IRGC: variants seen among roughly 807,000 people sequenced by gnomAD.
IRGC encodes interferon-inducible GTPase 5.
In IRGC, 4 loss-of-function variants were observed where a neutral mutation model predicts 16.1. That is an observed-to-expected ratio of 0.25 (90% confidence interval 0.12 to 0.57). The LOEUF (loss-of-function observed/expected upper bound fraction) is 0.57, where lower values mean the gene tolerates loss of function less well. Among genes scored for constraint, IRGC ranks in the 20% least tolerant of loss-of-function variants. IRGC has a pLI of 0.92. For missense variants in IRGC, 570 were observed against 643.9 expected (o/e 0.89, Z 1.24); for synonymous variants, 307 against 299.5 (o/e 1.03, Z -0.26).
chr19:43,716,668 G>T (rs368461017), intron 1 of IRGC, among the ~76,000 whole-genome samples: 20 of 152,148 alleles, frequency 1.3e-4, no homozygotes, highest in African/African-American at 4.3e-4. Context: ...ATATTTCTGT[G>T]GGGGGTGGAG....
At position 43,719,075 on chromosome 19, in the gene IRGC, G is replaced by A; in HGVS notation, c.517G>A (p.Asp173Asn). Reference protein sequence around the residue: ...FYFVRTKVDEDLAATRTQRPS... With the variant: ...FYFVRTKVDENLAATRTQRPS... ...CTTTGTGCGCACCAAGGTGGACGAG[G>A]ACCTGGCGGCCACGCGCACCCAGCG... is the stretch of plus-strand genomic sequence containing the variant. Residue 173 changes from aspartate to asparagine, a missense_variant, in exon 2 of 2, where the codon GAC (aspartate) becomes AAC (asparagine). Coordinates refer to ENST00000244314, the MANE Select transcript of IRGC (RefSeq NM_019612.4). 1 of 1,611,310 alleles carries A rather than the reference G, an allele frequency of 6.2e-7. No homozygotes were observed. Among genetic ancestry groups the A allele is most frequent in the Non-Finnish European group, 8.5e-7 (1 of 1,178,862 alleles).
At position 43,719,009 on chromosome 19, in the gene IRGC, C is replaced by G. The variant is rs549796988; in HGVS notation, c.451C>G (p.Arg151Gly). Residue 151 changes from arginine (R) to glycine (G), a missense_variant, in exon 2 of 2, where the codon CGC (arginine) becomes GGC (glycine). Physicochemically the swap from Arg to Gly is moderately radical, Grantham distance 125. Coordinates refer to ENST00000244314, the MANE Select transcript of IRGC (RefSeq NM_019612.4). ...SPRRCGAVET[R>G]LAAEILCQGK... ...CCGCCGCTGCGGGGCCGTCGAGACC[C>G]GCCTGGCCGCTGAGATCCTGTGCCA... 2.0e-5 allele frequency: 33 copies of G among 1,612,414 alleles called. No homozygotes were observed. The East Asian group carries it at 6.7e-4, about 33-fold the overall frequency.
At chr19:43,717,564 A>G (rs1703571373) in intron 1 of IRGC, among the ~76,000 whole-genome samples, 1 of 152,146 alleles carries the variant, frequency 6.6e-6, no homozygotes, top group African/African-American at 2.4e-5. Context: ...TATGTGGTGG[A>G]GCCAGGATTT....
chr19:43,717,721 T>A (rs1968192109), intron 1 of IRGC, among the ~76,000 whole-genome samples: 1 of 152,224 alleles, frequency 6.6e-6, no homozygotes, highest in African/African-American at 2.4e-5. Flanking sequence ...CCTGGCTATA[T>A]AATTTGCAAG....
Position 43,718,522 on chromosome 19 carries a change from C to CGA in IRGC, c.-37_-36insGA. The stretch of plus-strand genomic sequence containing the variant: ...TGAGGATCACGCATCCTGTGACTCT[C>CGA]CCCTGTCCCCCGCCACCCTCTGAAC... On this transcript the variant is annotated 5_prime_UTR_variant, in exon 2 of 2. Coordinates refer to ENST00000244314, the MANE Select transcript of IRGC (RefSeq NM_019612.4). 2.6e-6 allele frequency: 4 copies of CGA among 1,533,288 alleles called. No homozygotes were observed. Among genetic ancestry groups the CGA allele is most frequent in the Non-Finnish European group, 3.5e-6 (4 of 1,140,530 alleles). The allele number at this position is 1,533,288 out of a possible 1,614,324, so 95.0% of individuals were successfully genotyped here. A position where few individuals can be genotyped will look rare whatever the true frequency, so the allele number is the denominator to read the frequency against.
chr19:43,720,019 A>C lies in IRGC; in HGVS notation c.*69A>C, dbSNP rs923821986. 2.6e-6 allele frequency: 4 copies of C among 1,544,810 alleles called. No individual in the cohort carries two copies. Among genetic ancestry groups the C allele is most frequent in the Non-Finnish European group, 3.5e-6 (4 of 1,129,922 alleles). ...TAACAAAATCCAAATTACCAACAAA[A>C]AAGGCCGATGTGGTGAATGTGAGGG... is the stretch of plus-strand genomic sequence containing the variant. On this transcript the variant is annotated 3_prime_UTR_variant, in exon 2 of 2. Transcript: ENST00000244314.
intron 1 of IRGC, 78 bp from the exon 2 acceptor site, chr19:43,718,414 CT>C: frequency 7.0e-7 from 1 of 1,429,364 alleles, no homozygotes; most frequent in Non-Finnish European, 9.1e-7. Context: ...GGGCGACTCC[CT>C]TCACATCCGT....
At chr19:43,716,899 A>G (rs544118091) in intron 1 of IRGC, among the ~76,000 whole-genome samples, 5 of 152,224 alleles carry the variant, frequency 3.3e-5, no homozygotes, top group Non-Finnish European at 2.9e-5. Flanking sequence ...TCAAATGGGG[A>G]CAGTGATCCC....
rs368626038 is a variant in IRGC, at chr19:43,719,425, C to T, written c.867C>T (p.Tyr289=). 4.1e-5 allele frequency: 66 copies of T among 1,604,972 alleles called. No homozygotes were observed. The highest frequency in any genetic ancestry group is 5.4e-5 in the Non-Finnish European group (63 of 1,174,946). ...ALPVPGLAAA[Y]DDALLIHSLR... ...CGGTCCCAGGGCTGGCGGCCGCCTACGATGATGCGTTGCTCATCCACTCAC... is the reference window on the plus strand; with the variant it reads ...CGGTCCCAGGGCTGGCGGCCGCCTATGATGATGCGTTGCTCATCCACTCAC... The change falls in exon 2 of 2, where the codon TAC becomes TAT. Residue 289 remains tyrosine (Y), a synonymous_variant. Coordinates refer to ENST00000244314, the MANE Select transcript of IRGC (RefSeq NM_019612.4).
At chr19:43,717,351 A>C (rs1319999547) in intron 1 of IRGC, among the ~76,000 whole-genome samples, 1 of 152,190 alleles carries the variant, frequency 6.6e-6, no homozygotes, top group Non-Finnish European at 1.5e-5. Context: ...AATGATAAGA[A>C]TAATGACGAT....
chr19:43,716,211 G>C (rs992750191), intron 1 of IRGC, 69 bp downstream of exon 1: 1 of 152,466 alleles, frequency 6.6e-6, no homozygotes, highest in East Asian at 1.9e-4. Context: ...GGTCTAATCC[G>C]GACCCCCTCA....
chr19:43,717,886 A>G (rs1486707974), intron 1 of IRGC, among the ~76,000 whole-genome samples: 1 of 152,166 alleles, frequency 6.6e-6, no homozygotes, highest in Non-Finnish European at 1.5e-5. Flanking sequence ...GGGACAACAT[A>G]GTGAGACTCC....
rs750978165 is a variant in IRGC at position 43,719,072 on chromosome 19, G to A, written c.514G>A (p.Glu172Lys). Residue 172 changes from glutamate to lysine, a missense_variant, in exon 2 of 2, where the codon GAG (glutamate) becomes AAG (lysine). Transcript: ENST00000244314. ...KFYFVRTKVD[E>K]DLAATRTQRP... ...CTACTTTGTGCGCACCAAGGTGGACGAGGACCTGGCGGCCACGCGCACCCA... is the reference window on the plus strand; with the variant it reads ...CTACTTTGTGCGCACCAAGGTGGACAAGGACCTGGCGGCCACGCGCACCCA... 6.2e-6 allele frequency: 10 copies of A among 1,611,592 alleles called. No individual in the cohort carries two copies. Among genetic ancestry groups the A allele is most frequent in the South Asian group, 4.4e-5 (4 of 90,998 alleles).
chr19:43,718,062 G>GTCTC (rs1172829551), intron 1 of IRGC, among the ~76,000 whole-genome samples: 1 of 151,804 alleles, frequency 6.6e-6, no homozygotes, highest in African/African-American at 2.4e-5. Context: ...GAGAGACCCT[G>GTCTC]TCTCAAACAA....
chr19:43,720,012 C>A lies in IRGC; in HGVS notation c.*62C>A. The A allele has an allele frequency of 6.3e-7, 1 of 1,576,710 alleles. No homozygotes were observed. Among genetic ancestry groups the A allele is most frequent in the Non-Finnish European group, 8.6e-7 (1 of 1,157,376 alleles). On this transcript the variant is annotated 3_prime_UTR_variant, in exon 2 of 2. Transcript: ENST00000244314. ...TAAGTCTTAACAAAATCCAAATTACCAACAAAAAAGGCCGATGTGGTGAAT... is the reference window on the plus strand; with the variant it reads ...TAAGTCTTAACAAAATCCAAATTACAAACAAAAAAGGCCGATGTGGTGAAT...
At position 43,718,879 on chromosome 19, in the gene IRGC, G is replaced by T. The variant is rs781658368; in HGVS notation, c.321G>T (p.Val107=). ...ATCCACACCCACAGTTCCCTGACGT[G>T]ACCCTCTGGGACCTGCCAGGAGCCG... ...SPYPHPQFPD[V]TLWDLPGAGS... The change falls in exon 2 of 2, where the codon GTG becomes GTT. Residue 107 remains valine, a synonymous_variant. Coordinates refer to ENST00000244314, the MANE Select transcript of IRGC (RefSeq NM_019612.4). 7 of 1,613,196 alleles carry T rather than the reference G, an allele frequency of 4.3e-6. No individual in the cohort carries two copies. In the African/African-American group the frequency reaches 8.0e-5, roughly 18 times the overall value.
At position 43,719,119 on chromosome 19, in the gene IRGC, G is replaced by A. The variant is rs145052313; in HGVS notation, c.561G>A (p.Glu187=). 1,270 of 1,610,346 alleles carry A rather than the reference G, an allele frequency of 7.9e-4. 8 individuals carry two copies. In the Admixed American group the frequency reaches 0.012, roughly 15 times the overall value. Residue 187 remains glutamate (E), a synonymous_variant, in exon 2 of 2, where the codon GAG becomes GAA. Transcript: ENST00000244314. ...CCCAGCGGCCGTCGGGCTTCAGAGA[G>A]GCCGCTGTCCTGCAGGAGATCCGAG... ...TRTQRPSGFR[E]AAVLQEIRDH... is the part of the protein sequence containing the mutation.
At chr19:43,718,394 T>C in intron 1 of IRGC, 99 bp from the exon 2 acceptor site, 2 of 1,344,846 alleles carry the variant, frequency 1.5e-6, no homozygotes, top group Non-Finnish European at 1.9e-6. Flanking sequence ...AAGAGAGCTG[T>C]GGGCTTCCAG....
rs1235782292 is a variant in IRGC at position 43,718,616 on chromosome 19, G to A, written c.58G>A (p.Ala20Thr). The A allele has an allele frequency of 1.9e-6, 3 of 1,611,262 alleles. No homozygotes were observed. Among genetic ancestry groups the A allele is most frequent in the South Asian group, 1.1e-5 (1 of 90,832 alleles). Residue 20 changes from alanine (A) to threonine (T), a missense_variant, in exon 2 of 2, where the codon GCC becomes ACC. Transcript: ENST00000244314. ...PGEEENTILM[A>T]KERLEALRTA... The stretch of plus-strand genomic sequence containing the variant: ...GGAGGAGGAAAACACCATCCTTATG[G>A]CCAAGGAAAGGCTGGAGGCCCTGCG...
Sources: gnomAD v4.1 joint callset for allele counts (sites outside exome capture counted in the v4.1 genomes callset) on GRCh38, gnomAD v4.1.1 for gene constraint, MANE v1.5 for transcripts, NCBI Gene and HGNC (gene_info 2026-07-23, HGNC 2026-07-21) for gene names.